DPP10: variants seen among roughly 807,000 people sequenced by gnomAD.
The protein encoded by DPP10 is inactive dipeptidyl peptidase 10.
In DPP10, 33 loss-of-function variants were observed where a neutral mutation model predicts 120.9. The ratio of observed to expected loss-of-function variants is 0.27; its 90% CI spans 0.21 to 0.37. The LOEUF is 0.37. DPP10 is among the 10% of genes least tolerant of loss of function. The pLI is 1.00. For missense variants in DPP10, 816 were observed against 942.8 expected (o/e 0.87, Z 1.76); for synonymous variants, 337 against 326.1 (o/e 1.03, Z -0.36).
At chr2:115,684,037 C>T (rs1233815663) in intron 5 of DPP10, among the ~76,000 whole-genome samples, 3 of 151,782 alleles carry the variant, frequency 2.0e-5, no homozygotes, top group South Asian at 2.1e-4. Context: ...GGTTATAAAT[C>T]TATCCAAACC....
intron 1 of DPP10, among the ~76,000 whole-genome samples, chr2:114,547,832 A>G (rs1483150199): frequency 6.6e-6 from 1 of 152,186 alleles, no homozygotes; most frequent in African/African-American, 2.4e-5. Context: ...GAGTGTAGAA[A>G]TGGACCACTG....
chr2:114,513,521 C>CAAAAAA (rs10712243), intron 1 of DPP10, among the ~76,000 whole-genome samples: 71 of 74,938 alleles, frequency 9.5e-4, no homozygotes, highest in Non-Finnish European at 1.1e-3. Flanking sequence ...AACTCTACCT[C>CAAAAAA]AAAAAAAAAA....
intron 1 of DPP10, among the ~76,000 whole-genome samples, chr2:114,518,014 T>G (rs1684745326): frequency 6.6e-6 from 1 of 151,980 alleles, no homozygotes; most frequent in Non-Finnish European, 1.5e-5. Context: ...AATTCAAGAT[T>G]TTTCAAATTT....
intron 1 of DPP10, among the ~76,000 whole-genome samples, chr2:114,614,687 G>A (rs983130825): frequency 3.9e-5 from 6 of 152,060 alleles, no homozygotes; most frequent in African/African-American, 1.2e-4. Context: ...GGGATACTCC[G>A]GGAAGTTCCA....
chr2:115,254,988 G>C (rs1039660461), intron 1 of DPP10, among the ~76,000 whole-genome samples: 2 of 152,134 alleles, frequency 1.3e-5, no homozygotes, highest in Admixed American at 1.3e-4. Flanking sequence ...CTGGAGGACA[G>C]TCGTCCTCTT....
At chr2:114,499,143 A>T (rs563163041) in intron 1 of DPP10, among the ~76,000 whole-genome samples, 11 of 152,292 alleles carry the variant, frequency 7.2e-5, no homozygotes, top group African/African-American at 2.6e-4. Context: ...CATGCTATTC[A>T]TGGGTATGAT....
chr2:114,459,009 A>G (rs1389940582), intron 1 of DPP10, among the ~76,000 whole-genome samples: 1 of 152,240 alleles, frequency 6.6e-6, no homozygotes, highest in South Asian at 2.1e-4. Flanking sequence ...CTTCTGACTG[A>G]TATTTTACTA....
intron 5 of DPP10, among the ~76,000 whole-genome samples, chr2:115,625,680 C>T (rs2085303117): frequency 6.6e-6 from 1 of 152,010 alleles, no homozygotes; most frequent in Non-Finnish European, 1.5e-5. Context: ...CATGTTTAGG[C>T]ATGTAACATG....
In DPP10 at chr2:114,715,539, C is replaced by T. The variant is rs998598552; in HGVS notation, c.60+272701C>T. On this transcript the variant is annotated intron_variant, in intron 1 of 25. Transcript: ENST00000410059. ...TCTAAGACCTTTTACTACAAATAAT[C>T]TGAAAAATATTAAGCCTAGGTACCA... Among the ~76,000 whole-genome samples the T allele has an allele frequency of 2.6e-5, 4 of 151,826 alleles. No homozygotes were observed. In the South Asian group the frequency reaches 8.3e-4, roughly 32 times the overall value.
rs561933002 is a variant in DPP10, at chr2:114,820,090, G to T, written c.60+377252G>T. ...AACAGCTCTATTATCCTGTGGAAAA[G>T]AGGAAGGCTAGCCAAATTTCAAAAA... On this transcript the variant is annotated intron_variant, in intron 1 of 25. Coordinates refer to ENST00000410059, the MANE Select transcript of DPP10 (RefSeq NM_020868.6). Among the ~76,000 whole-genome samples the T allele has an allele frequency of 1.4e-4, 22 of 152,258 alleles. 1 individual carries two copies. The East Asian group carries it at 3.5e-3, about 24-fold the overall frequency.
intron 3 of DPP10, among the ~76,000 whole-genome samples, chr2:115,404,589 G>A (rs2068369506): frequency 6.6e-6 from 1 of 152,048 alleles, no homozygotes; most frequent in Admixed American, 6.5e-5. Flanking sequence ...CATCTGTTCT[G>A]TGTTGCTATT....
At chr2:114,624,054 G>A (rs1694303992) in intron 1 of DPP10, among the ~76,000 whole-genome samples, 1 of 152,016 alleles carries the variant, frequency 6.6e-6, no homozygotes, top group Non-Finnish European at 1.5e-5. Context: ...ACTGGAGCTT[G>A]ACAAATACTC....
At chr2:114,565,876 GATTC>G (rs200449756) in intron 1 of DPP10, among the ~76,000 whole-genome samples, 6 of 152,248 alleles carry the variant, frequency 3.9e-5, no homozygotes, top group East Asian at 1.9e-4. Flanking sequence ...TCATAGAATA[GATTC>G]ATTCATTCAT....
At chr2:115,443,938 TC>T (rs1201539690) in intron 3 of DPP10, among the ~76,000 whole-genome samples, 2 of 152,034 alleles carry the variant, frequency 1.3e-5, no homozygotes, top group Admixed American at 1.3e-4. Context: ...GCCAGTAGCA[TC>T]CCCCAGTAGT....
chr2:114,539,355 A>C (rs1263051846), intron 1 of DPP10, among the ~76,000 whole-genome samples: 1 of 151,992 alleles, frequency 6.6e-6, no homozygotes, highest in Non-Finnish European at 1.5e-5. Context: ...TTATTATTTC[A>C]CAGCTCTGAT....
At chr2:114,823,889 C>T (rs1686308086) in intron 1 of DPP10, among the ~76,000 whole-genome samples, 1 of 152,166 alleles carries the variant, frequency 6.6e-6, no homozygotes, top group Admixed American at 6.5e-5. Flanking sequence ...TCAGCCATCA[C>T]AAAAACTCAG....
At chr2:115,042,044 T>TGTGTTTTA (rs2105304417) in intron 1 of DPP10, among the ~76,000 whole-genome samples, 2 of 139,730 alleles carry the variant, frequency 1.4e-5, no homozygotes, top group East Asian at 4.4e-4. Context: ...ATAAGTAACC[T>TGTGTTTTA]GTGTTTTATT....
At chr2:115,512,508 G>A (rs561787204) in intron 4 of DPP10, among the ~76,000 whole-genome samples, 13 of 148,252 alleles carry the variant, frequency 8.8e-5, no homozygotes, top group East Asian at 4.0e-4. Flanking sequence ...ACTCTATTTC[G>A]TTCCTAATAT....
chr2:115,557,419 G>A (rs550852915), intron 5 of DPP10, among the ~76,000 whole-genome samples: 80 of 152,206 alleles, frequency 5.3e-4, no homozygotes, highest in African/African-American at 1.4e-3. Flanking sequence ...TAAGATGGCC[G>A]TAGAATTATC....
Sources: gnomAD v4.1 joint callset for allele counts (sites outside exome capture counted in the v4.1 genomes callset) on GRCh38, gnomAD v4.1.1 for gene constraint, MANE v1.5 for transcripts, NCBI Gene and HGNC (gene_info 2026-07-23, HGNC 2026-07-21) for gene names.